The following CNTNAP5 variants were observed in gnomAD, a reference collection of about 807,000 sequenced individuals.
CNTNAP5 encodes the protein contactin associated protein family member 5, also known as contactin-associated protein-like 5.
CNTNAP5 carries 72 observed loss-of-function variants against 150.2 expected under a neutral mutation model. The ratio of observed to expected loss-of-function variants is 0.48; its 90% confidence interval spans 0.40 to 0.58. CNTNAP5 has a LOEUF of 0.58. CNTNAP5 is among the 20% of genes least tolerant of loss of function. The probability of loss-of-function intolerance (pLI) is 0.00; values close to 1 mark genes in which losing one functional copy is unlikely to be tolerated. For synonymous variants in CNTNAP5, 672 were observed against 619.8 expected (o/e 1.08, Z -1.25); for missense variants, 1,636 against 1,626.2 (o/e 1.01, Z -0.10).
intron 17 of CNTNAP5, among the ~76,000 whole-genome samples, chr2:124,779,888 AC>A (rs1558772400): frequency 6.6e-6 from 1 of 152,142 alleles, no homozygotes; most frequent in East Asian, 1.9e-4. Flanking sequence ...GCCTGATTAT[AC>A]TGACCTGATT....
chr2:124,085,987 T>C (rs1176308235), intron 1 of CNTNAP5, among the ~76,000 whole-genome samples: 1 of 152,128 alleles, frequency 6.6e-6, no homozygotes, highest in African/African-American at 2.4e-5. Context: ...TTGAAGACTG[T>C]TGGTTAATGG....
intron 19 of CNTNAP5, among the ~76,000 whole-genome samples, chr2:124,835,481 C>G (rs1048657118): frequency 1.7e-4 from 26 of 152,106 alleles, no homozygotes; most frequent in African/African-American, 6.3e-4. Context: ...GGCCAAGACC[C>G]AAGAATGCAG....
intron 13 of CNTNAP5, among the ~76,000 whole-genome samples, chr2:124,665,656 A>G (rs13003103): frequency 0.55 from 84,181 of 151,886 alleles, 23,898 homozygotes; most frequent in Non-Finnish European, 0.62. Flanking sequence ...GGAGGCCGAG[A>G]CCGGCAGATC....
intron 13 of CNTNAP5, among the ~76,000 whole-genome samples, chr2:124,737,679 T>A (rs1202506344): frequency 2.0e-5 from 3 of 152,152 alleles, no homozygotes; most frequent in Non-Finnish European, 4.4e-5. Flanking sequence ...CCCTTTTGGA[T>A]GCTACAAAAA....
chr2:124,825,402 A>G (rs951635345), intron 19 of CNTNAP5, among the ~76,000 whole-genome samples: 2 of 152,214 alleles, frequency 1.3e-5, no homozygotes, highest in African/African-American at 4.8e-5. Context: ...TCAAAGTCCC[A>G]TTTAAACTGA....
chr2:124,421,934 C>T (rs920231753), intron 4 of CNTNAP5, among the ~76,000 whole-genome samples: 8 of 152,132 alleles, frequency 5.3e-5, no homozygotes, highest in African/African-American at 1.2e-4. Context: ...TTTGTGGTGT[C>T]GGCCACAACC....
intron 3 of CNTNAP5, among the ~76,000 whole-genome samples, chr2:124,374,389 C>T (rs546713370): frequency 4.6e-5 from 7 of 152,048 alleles, no homozygotes; most frequent in Non-Finnish European, 1.0e-4. Flanking sequence ...GTAGGGAGAA[C>T]ATCAAAGATT....
chr2:124,136,005 G>C (rs1228007354), intron 1 of CNTNAP5, among the ~76,000 whole-genome samples: 1 of 152,178 alleles, frequency 6.6e-6, no homozygotes, highest in Non-Finnish European at 1.5e-5. Flanking sequence ...TAGGTGAACT[G>C]TCTAACAGCA....
At chr2:124,090,168 C>T (rs1321126652) in intron 1 of CNTNAP5, among the ~76,000 whole-genome samples, 2 of 152,076 alleles carry the variant, frequency 1.3e-5, no homozygotes, top group African/African-American at 4.8e-5. Flanking sequence ...TTGAATAATC[C>T]TTTATTTAGC....
intron 3 of CNTNAP5, among the ~76,000 whole-genome samples, chr2:124,247,313 G>C (rs1490073035): frequency 6.6e-6 from 1 of 150,838 alleles, no homozygotes; most frequent in African/African-American, 2.4e-5. Context: ...ACTGTGCAAG[G>C]TGCTAGGCTT....
intron 6 of CNTNAP5, among the ~76,000 whole-genome samples, chr2:124,452,697 A>G (rs528883976): frequency 7.2e-5 from 11 of 152,228 alleles, no homozygotes; most frequent in African/African-American, 2.6e-4. Flanking sequence ...TGAGAGACCC[A>G]CAGTTCTGTG....
chr2:124,665,590 T>G (rs1016686654), intron 13 of CNTNAP5, among the ~76,000 whole-genome samples: 1 of 152,080 alleles, frequency 6.6e-6, no homozygotes, highest in Non-Finnish European at 1.5e-5. Flanking sequence ...TGTTGATGTG[T>G]AGCTAAAAAA....
chr2:124,736,273 A>G (rs1680380816), intron 13 of CNTNAP5, among the ~76,000 whole-genome samples: 1 of 151,980 alleles, frequency 6.6e-6, no homozygotes, highest in South Asian at 2.1e-4. Context: ...ATGACTTTAG[A>G]TTTTTCCCCT....
intron 19 of CNTNAP5, among the ~76,000 whole-genome samples, chr2:124,842,647 G>T (rs374584830): frequency 1.3e-5 from 2 of 152,176 alleles, no homozygotes; most frequent in Non-Finnish European, 2.9e-5. Context: ...CACTGAAATA[G>T]AAGAAGATAA....
At position 124,446,751 on chromosome 2, in the gene CNTNAP5, A is replaced by T; in HGVS notation, c.734-2A>T. 1 of 1,612,432 alleles carries T rather than the reference A, an allele frequency of 6.2e-7. No individual in the cohort carries two copies. Among genetic ancestry groups the T allele is most frequent in the Non-Finnish European group, 8.5e-7 (1 of 1,179,120 alleles). Reference sequence around the variant, plus strand: ...CATCTTGCCTCTCTCCCCTCTTCACAGGTGACAGCAAAGCGCGGCTCAGCA... The same window carrying T: ...CATCTTGCCTCTCTCCCCTCTTCACTGGTGACAGCAAAGCGCGGCTCAGCA... On this transcript the variant is annotated splice_acceptor_variant, in intron 5 of 23. Transcript: ENST00000682447. LOFTEE classifies it high-confidence loss of function.
At chr2:124,493,253 C>A (rs1366349751) in intron 7 of CNTNAP5, among the ~76,000 whole-genome samples, 1 of 151,812 alleles carries the variant, frequency 6.6e-6, no homozygotes, top group Admixed American at 6.6e-5. Flanking sequence ...TCCTTAATTC[C>A]TTTAATTGAT....
At chr2:124,351,323 G>A (rs934785992) in intron 3 of CNTNAP5, among the ~76,000 whole-genome samples, 2 of 152,120 alleles carry the variant, frequency 1.3e-5, no homozygotes, top group African/African-American at 4.8e-5. Context: ...CGGAGAGAAG[G>A]CCAGTCTTAG....
intron 1 of CNTNAP5, among the ~76,000 whole-genome samples, chr2:124,105,277 C>T (rs1185617462): frequency 6.6e-6 from 1 of 152,116 alleles, no homozygotes. Context: ...CTAATCACTG[C>T]CATTAAAAAC....
intron 10 of CNTNAP5, among the ~76,000 whole-genome samples, chr2:124,546,667 A>G (rs1166173562): frequency 6.6e-6 from 1 of 152,198 alleles, no homozygotes; most frequent in Non-Finnish European, 1.5e-5. Flanking sequence ...CTCAGGAGTC[A>G]TAAGCAGACA....
Sources: allele counts gnomAD v4.1 joint callset (sites outside exome capture counted in the v4.1 genomes callset), GRCh38; gene constraint gnomAD v4.1.1; transcripts MANE v1.5; gene names NCBI Gene and HGNC (gene_info 2026-07-23, HGNC 2026-07-21).